The following THSD7A variants were observed in gnomAD, a reference collection of about 807,000 sequenced individuals.
THSD7A encodes the protein thrombospondin type-1 domain-containing protein 7A.
THSD7A carries 96 observed loss-of-function variants against 231.3 expected under a neutral mutation model. The observed-to-expected ratio is 0.41, with a 90% CI of 0.35 to 0.49. The LOEUF (loss-of-function observed/expected upper bound fraction) is 0.49. Among genes scored for constraint, THSD7A ranks in the 20% least tolerant of loss-of-function variants. The pLI, the probability that THSD7A is intolerant of heterozygous loss-of-function variation, is 0.05. For missense variants in THSD7A, 2,290 were observed against 2,070.2 expected, an observed-to-expected ratio of 1.11 and a Z score of -2.06; for synonymous variants, 940 against 743.3, an observed-to-expected ratio of 1.26 and a Z score of -4.30.
At position 11,542,952 on chromosome 7, in the gene THSD7A, C is replaced by T. The variant is rs748380661; in HGVS notation, c.1609+10G>A. 38 of 1,611,922 alleles carry T rather than the reference C, an allele frequency of 2.4e-5. No homozygotes were observed. Among genetic ancestry groups the T allele is most frequent in the Admixed American group, 3.3e-5 (2 of 59,714 alleles). The stretch of plus-strand genomic sequence containing the variant: ...GGGTATAAAAGGCATGTCATGGTCA[C>T]GTTACCTACCTTTTTTCCCTTGCTG... On this transcript the variant is annotated intron_variant, in intron 5 of 27. Coordinates refer to ENST00000423059, the MANE Select transcript of THSD7A (RefSeq NM_015204.3).
Position 11,732,783 on chromosome 7 carries a change from T to C in THSD7A, c.191-95822A>G, listed in dbSNP as rs545504475. Among the ~76,000 whole-genome samples, 116 of 151,956 alleles carry C rather than the reference T, an allele frequency of 7.6e-4. 2 individuals carry two copies. The highest frequency in any genetic ancestry group is 2.6e-3 in the African/African-American group (109 of 41,556). The stretch of plus-strand genomic sequence containing the variant: ...AATAGAGGTTAGGGCATATGAACCA[T>C]GGCTGAAAGCTTATTTCTTTAGATG... On this transcript the variant is annotated intron_variant, in intron 1 of 27. Coordinates refer to ENST00000423059, the MANE Select transcript of THSD7A (RefSeq NM_015204.3).
At chr7:11,763,215 A>C (rs1430296269) in intron 1 of THSD7A, among the ~76,000 whole-genome samples, 1 of 152,168 alleles carries the variant, frequency 6.6e-6, no homozygotes, top group African/African-American at 2.4e-5. Context: ...ACTGGTAACC[A>C]AATCATCCTG....
chr7:11,600,711 T>A (rs760805115), intron 2 of THSD7A, among the ~76,000 whole-genome samples: 3 of 152,240 alleles, frequency 2.0e-5, no homozygotes, highest in Non-Finnish European at 2.9e-5. Flanking sequence ...CTGATTCTTC[T>A]GCCTCATCAT....
intron 4 of THSD7A, among the ~76,000 whole-genome samples, chr7:11,551,316 T>C (rs1163113274): frequency 6.6e-6 from 1 of 152,004 alleles, no homozygotes; most frequent in Non-Finnish European, 1.5e-5. Context: ...CCAAAATCAT[T>C]TGCCACAAAA....
At chr7:11,533,501 A>G (rs6980164) in intron 6 of THSD7A, among the ~76,000 whole-genome samples, 12,565 of 152,206 alleles carry the variant, frequency 0.083, 801 homozygotes, top group East Asian at 0.18. Flanking sequence ...CCAAATGTCC[A>G]TCAAAGATAG....
chr7:11,564,872 T>C (rs563576820), intron 4 of THSD7A, among the ~76,000 whole-genome samples: 68 of 152,330 alleles, frequency 4.5e-4, no homozygotes, highest in African/African-American at 1.5e-3. Context: ...TCGTGTAAGA[T>C]AAGAACACTT....
At chr7:11,528,471 T>G (rs10230612) in intron 6 of THSD7A, among the ~76,000 whole-genome samples, 3,785 of 152,150 alleles carry the variant, frequency 0.025, 174 homozygotes, top group African/African-American at 0.085. Flanking sequence ...GCCTCAATAA[T>G]TTAGGGGATT....
intron 4 of THSD7A, among the ~76,000 whole-genome samples, chr7:11,562,717 CTTT>C (rs1283916437): frequency 2.0e-5 from 3 of 151,912 alleles, no homozygotes; most frequent in Non-Finnish European, 2.9e-5. Context: ...TTTCTGTTCC[CTTT>C]TTATTTTTTT....
At chr7:11,705,088 A>G (rs1028790466) in intron 1 of THSD7A, among the ~76,000 whole-genome samples, 1 of 151,066 alleles carries the variant, frequency 6.6e-6, no homozygotes, top group Middle Eastern at 3.2e-3. Context: ...ATATAGAGAG[A>G]GGAAGAATAA....
chr7:11,399,698 T>G (rs1482369635), intron 23 of THSD7A, among the ~76,000 whole-genome samples: 1 of 152,118 alleles, frequency 6.6e-6, no homozygotes, highest in Non-Finnish European at 1.5e-5. Context: ...TAGGAACACT[T>G]TTACACTGTT....
intron 1 of THSD7A, among the ~76,000 whole-genome samples, chr7:11,705,418 C>T (rs1780732356): frequency 6.6e-6 from 1 of 151,012 alleles, no homozygotes; most frequent in Admixed American, 6.6e-5. Context: ...GCATCTTCTA[C>T]TTCTGGAAGT....
chr7:11,630,559 C>T (rs1224734102), intron 2 of THSD7A, among the ~76,000 whole-genome samples: 2 of 152,112 alleles, frequency 1.3e-5, no homozygotes, highest in Admixed American at 6.5e-5. Flanking sequence ...TATCTAGAAG[C>T]TGGATAGTTC....
At chr7:11,463,940 A>G (rs1159235961) in intron 9 of THSD7A, among the ~76,000 whole-genome samples, 1 of 152,138 alleles carries the variant, frequency 6.6e-6, no homozygotes, top group African/African-American at 2.4e-5. Flanking sequence ...CTCCCTTGAC[A>G]ATCTGTAAAG....
At chr7:11,400,079 C>T (rs1038786039) in intron 23 of THSD7A, among the ~76,000 whole-genome samples, 16 of 149,516 alleles carry the variant, frequency 1.1e-4, no homozygotes, top group African/African-American at 1.5e-4. Context: ...CCAAACACCG[C>T]ATGTTCTCAC....
intron 4 of THSD7A, among the ~76,000 whole-genome samples, chr7:11,578,726 A>G (rs921610963): frequency 5.3e-5 from 8 of 152,204 alleles, no homozygotes; most frequent in Non-Finnish European, 1.0e-4. Context: ...AGATATTTGG[A>G]TAATTGGGAC....
Position 11,783,850 on chromosome 7 carries a change from A to G in THSD7A, c.190+47907T>C, listed in dbSNP as rs546794798. On this transcript the variant is annotated intron_variant, in intron 1 of 27. Coordinates refer to ENST00000423059, the MANE Select transcript of THSD7A (RefSeq NM_015204.3). Reference sequence around the variant, plus strand: ...TACTCTTTTTAGTTGCAAAGAGGAAATATTTGTCTCTCCATATCAAAATTG... The same window carrying G: ...TACTCTTTTTAGTTGCAAAGAGGAAGTATTTGTCTCTCCATATCAAAATTG... Among the ~76,000 whole-genome samples, 444 of 152,268 alleles carry G rather than the reference A, an allele frequency of 2.9e-3. 3 individuals are homozygous for G. The highest frequency in any genetic ancestry group is 6.8e-3 in the Middle Eastern group (2 of 294).
chr7:11,765,343 A>T (rs940419777), intron 1 of THSD7A, among the ~76,000 whole-genome samples: 2 of 152,200 alleles, frequency 1.3e-5, no homozygotes, highest in African/African-American at 4.8e-5. Context: ...ACAAAAATCT[A>T]GAAAAGACTT....
At chr7:11,771,987 C>T (rs1453753630) in intron 1 of THSD7A, among the ~76,000 whole-genome samples, 2 of 152,154 alleles carry the variant, frequency 1.3e-5, no homozygotes, top group African/African-American at 2.4e-5. Flanking sequence ...TTGCTGAGGC[C>T]TCTCAGAAGT....
intron 4 of THSD7A, among the ~76,000 whole-genome samples, chr7:11,571,328 A>G (rs1372844813): frequency 6.6e-6 from 1 of 152,006 alleles, no homozygotes; most frequent in Non-Finnish European, 1.5e-5. Context: ...TCATTTACTT[A>G]CTCATTCCCC....
Sources: allele counts gnomAD v4.1 joint callset (sites outside exome capture counted in the v4.1 genomes callset), GRCh38; gene constraint gnomAD v4.1.1; transcripts MANE v1.5; gene names NCBI Gene and HGNC (gene_info 2026-07-23, HGNC 2026-07-21).